The following SEC22B variants were observed in gnomAD, a reference collection of about 807,000 sequenced individuals.
The protein encoded by SEC22B is vesicle-trafficking protein SEC22b.
A neutral mutation model predicts 31.4 loss-of-function variants in SEC22B; 10 were observed. The observed-to-expected ratio is 0.32, with a 90% CI of 0.20 to 0.54. SEC22B has a LOEUF of 0.54. Ranked by LOEUF, SEC22B falls within the 20% of genes least tolerant of loss-of-function variation. The probability of loss-of-function intolerance (pLI) is 0.94; values close to 1 mark genes in which losing one functional copy is unlikely to be tolerated. For missense variants in SEC22B, 130 were observed against 263.4 expected, an observed-to-expected ratio of 0.49 and a Z score of 3.50; for synonymous variants, 60 against 95.9, an observed-to-expected ratio of 0.63 and a Z score of 2.19.
chr1:120,157,369 T>C (rs1657643577), intron 4 of SEC22B, 177 bp from the exon 5 acceptor site: 1 of 438,642 alleles, frequency 2.3e-6, no homozygotes, highest in Middle Eastern at 6.1e-4. Context: ...AGATGATGTC[T>C]GAATTTTTGA....
At position 120,163,137 on chromosome 1, in the gene SEC22B, A is replaced by G. The variant is rs1293787257; in HGVS notation, c.346+73T>C. On this transcript the variant is annotated intron_variant, in intron 3 of 4. Transcript: ENST00000578049. ...ACATCAGAAAAAATGTATAAATATT[A>G]TATCAGTGTAACAAATAGCTTCTCC... 3.1e-3 allele frequency: 1,711 copies of G among 551,342 alleles called. 3 individuals are homozygous for G. Among genetic ancestry groups the G allele is most frequent in the Non-Finnish European group, 3.9e-3 (1,254 of 320,794 alleles). The allele number at this position is 551,342 out of a possible 1,614,324, so 34.2% of individuals were successfully genotyped here.
Position 120,156,186 on chromosome 1 carries a change from C to G in SEC22B, c.*852G>C, listed in dbSNP as rs1175309150. On this transcript the variant is annotated 3_prime_UTR_variant, in exon 5 of 5. Transcript: ENST00000578049. ...AAAGTAAAGAAGGGGCAGGAGAAAG[C>G]TGTAATTATAACCTGGGCCTGCCTT... The G allele has an allele frequency of 1.3e-5, 2 of 151,860 alleles. No individual in the cohort carries two copies. The highest frequency in any genetic ancestry group is 6.6e-5 in the Admixed American group (1 of 15,248). The allele number at this position is 151,860 out of a possible 1,614,324, so 9.4% of individuals were successfully genotyped here.
rs1346781548 is a variant in SEC22B at position 120,151,399 on chromosome 1, T to C, written c.*5639A>G. 1 of 152,288 alleles carries C rather than the reference T, an allele frequency of 6.6e-6. No individual in the cohort carries two copies. The highest frequency in any genetic ancestry group is 2.4e-5 in the African/African-American group (1 of 41,442). 9.4% of individuals were successfully genotyped at this position (152,288 alleles called of 1,614,324 possible). On this transcript the variant is annotated 3_prime_UTR_variant, in exon 5 of 5. Transcript: ENST00000578049. ...TTAGCACACACACACACAAAAATTATTGGCCGGGCGCAGTGGCCCATGCCT... is the reference window on the plus strand; with the variant it reads ...TTAGCACACACACACACAAAAATTACTGGCCGGGCGCAGTGGCCCATGCCT...
intron 1 of SEC22B, among the ~76,000 whole-genome samples, chr1:120,170,067 T>C (rs1480840137): frequency 5.5e-5 from 8 of 145,986 alleles, no homozygotes; most frequent in African/African-American, 1.6e-4. Context: ...GAACCAGGAA[T>C]AGGCCCTCAA....
At chr1:120,169,109 G>A (rs1315121659) in intron 1 of SEC22B, among the ~76,000 whole-genome samples, 160 bp from the exon 2 acceptor site, 3 of 151,976 alleles carry the variant, frequency 2.0e-5, no homozygotes, top group Admixed American at 6.6e-5. Context: ...GAGTACAGAG[G>A]AAGACCTAAC....
At position 120,176,345 on chromosome 1, in the gene SEC22B, C is replaced by A. The variant is rs1553230203; in HGVS notation, c.37G>T (p.Gly13Trp). 4 of 1,612,926 alleles carry A rather than the reference C, an allele frequency of 2.5e-6. No individual in the cohort carries two copies. Among genetic ancestry groups the A allele is most frequent in the Non-Finnish European group, 3.4e-6 (4 of 1,179,742 alleles). ...TGCATCGAGGCGGCCAGCGGGAGCC[C>A]GTCCGCCACTCGGGCGATCATTGTT... ...LLTMIARVAD[G>W]LPLAASMQED... The change falls in exon 1 of 5, where the codon GGG (glycine) becomes TGG (tryptophan). Residue 13 changes from glycine to tryptophan, a missense_variant. By Grantham distance (184) the Gly-to-Trp change is radical (BLOSUM62 -2). This residue lies in a region of SEC22B where 32 missense variants were observed against 26.3 expected (regional missense o/e 1.22). Coordinates refer to ENST00000578049, the MANE Select transcript of SEC22B (RefSeq NM_004892.6).
chr1:120,166,396 TAC>T (rs1268229455), intron 2 of SEC22B, among the ~76,000 whole-genome samples: 6,967 of 136,954 alleles, frequency 0.051, 70 homozygotes, highest in African/African-American at 0.092. Flanking sequence ...AAGTGTTTTT[TAC>T]ACACACACAC....
At chr1:120,174,340 T>G (rs1482729626) in intron 1 of SEC22B, among the ~76,000 whole-genome samples, 8 of 152,400 alleles carry the variant, frequency 5.2e-5, no homozygotes, top group African/African-American at 1.9e-4. Flanking sequence ...ACTATTAAAA[T>G]AGTAAAAGTA....
rs1657618708 is a variant in SEC22B, at chr1:120,155,676, G to T, written c.*1362C>A. The T allele has an allele frequency of 6.6e-6, 1 of 151,540 alleles. No individual in the cohort carries two copies. Among genetic ancestry groups the T allele is most frequent in the African/African-American group, 2.4e-5 (1 of 41,290 alleles). The allele number at this position is 151,540 out of a possible 1,614,324, so 9.4% of individuals were successfully genotyped here. The stretch of plus-strand genomic sequence containing the variant: ...AAATAAAAAGTTCGCTCATTTTCCT[G>T]TGCAATTTAAAGAAATATTTGCAGT... On this transcript the variant is annotated 3_prime_UTR_variant, in exon 5 of 5. Coordinates refer to ENST00000578049, the MANE Select transcript of SEC22B (RefSeq NM_004892.6).
intron 2 of SEC22B, among the ~76,000 whole-genome samples, chr1:120,167,463 T>C (rs1278104142): frequency 6.6e-6 from 1 of 152,042 alleles, no homozygotes; most frequent in Non-Finnish European, 1.5e-5. Context: ...TGTTCAATTC[T>C]ACCATAATTT....
At chr1:120,161,198 T>TA (rs1478406577) in intron 3 of SEC22B, among the ~76,000 whole-genome samples, 6 of 152,172 alleles carry the variant, frequency 3.9e-5, no homozygotes, top group Admixed American at 6.5e-5. Context: ...AAGTGTTACT[T>TA]ACCTCTACAC....
chr1:120,163,945 C>CTTTTTTTTTTTT (rs1169530604), intron 2 of SEC22B, among the ~76,000 whole-genome samples: 3 of 68,916 alleles, frequency 4.4e-5, no homozygotes, highest in African/African-American at 6.5e-5. Flanking sequence ...ATTAGATTCT[C>CTTTTTTTTTTTT]TTTTTTTTTT....
At chr1:120,165,903 G>A in intron 2 of SEC22B, among the ~76,000 whole-genome samples, 1 of 149,070 alleles carries the variant, frequency 6.7e-6, no homozygotes, top group African/African-American at 2.5e-5. Flanking sequence ...ATCTGATGAG[G>A]AACTAATATC....
chr1:120,170,939 C>CTTTAATTTAATAAAATTAATTTATTAAA (rs1657886248), intron 1 of SEC22B, among the ~76,000 whole-genome samples: 3 of 125,834 alleles, frequency 2.4e-5, no homozygotes, highest in Non-Finnish European at 4.6e-5. Flanking sequence ...ATGCAAATTT[C>CTTTAATTTAATAAAATTAATTTATTAAA]TTTAATTTAA....
Position 120,163,423 on chromosome 1 carries a change from C to T in SEC22B, c.186-53G>A, listed in dbSNP as rs1657751466. 2.4e-6 allele frequency: 3 copies of T among 1,249,596 alleles called. 1 individual carries two copies. Among genetic ancestry groups the T allele is most frequent in the South Asian group, 3.8e-5 (2 of 52,092 alleles). The allele number at this position is 1,249,596 out of a possible 1,614,324, so 77.4% of individuals were successfully genotyped here. A position where few individuals can be genotyped will look rare whatever the true frequency, so the allele number is the denominator to read the frequency against. On this transcript the variant is annotated intron_variant, in intron 2 of 4. Coordinates refer to ENST00000578049, the MANE Select transcript of SEC22B (RefSeq NM_004892.6). The stretch of plus-strand genomic sequence containing the variant: ...GTTATCTGTAAAGTAATAGCACTGA[C>T]AACAGTTTAAAGCAGAATCTCTGTA...
intron 2 of SEC22B, among the ~76,000 whole-genome samples, chr1:120,166,053 T>C (rs1254821298): frequency 6.6e-6 from 1 of 151,228 alleles, no homozygotes; most frequent in Non-Finnish European, 1.5e-5. Context: ...ACATCACTAA[T>C]CTTCAGGTAA....
Position 120,160,615 on chromosome 1 carries a change from CGCGGTG to C in SEC22B, c.347-91_347-86del, listed in dbSNP as rs1570866141. On this transcript the variant is annotated intron_variant, in intron 3 of 4. Transcript: ENST00000578049. Reference sequence around the variant, plus strand: ...GATTAAAAGTTCTGAGTTGGCCAGGCGCGGTGGCTCACACCTGTAATCCCAGCACTT... The same window carrying C: ...GATTAAAAGTTCTGAGTTGGCCAGGCGCTCACACCTGTAATCCCAGCACTT... 11 of 1,240,324 alleles carry C rather than the reference CGCGGTG, an allele frequency of 8.9e-6. No homozygotes were observed. The East Asian group carries it at 3.0e-4, about 34-fold the overall frequency. 76.8% of individuals were successfully genotyped at this position (1,240,324 alleles called of 1,614,324 possible). A position where few individuals can be genotyped will look rare whatever the true frequency, so the allele number is the denominator to read the frequency against.
chr1:120,164,889 A>G (rs1657783078), intron 2 of SEC22B, among the ~76,000 whole-genome samples: 1 of 152,184 alleles, frequency 6.6e-6, no homozygotes, highest in Non-Finnish European at 1.5e-5. Flanking sequence ...TGTATAAGCA[A>G]TTCCTTTTTC....
rs1297867683 is a variant in SEC22B, at chr1:120,162,741, TTTG to T, written c.346+466_346+468del. 5.3e-5 allele frequency among the ~76,000 whole-genome samples: 8 copies of T among 152,348 alleles called. No homozygotes were observed. In the East Asian group the frequency reaches 1.3e-3, roughly 26 times the overall value. The stretch of plus-strand genomic sequence containing the variant: ...ATGAGTACCAGGTATCTTCTATTTC[TTTG>T]TTATGTTTTGTTTTTTTAATTAGAG... On this transcript the variant is annotated intron_variant, in intron 3 of 4. Transcript: ENST00000578049.
Sources: allele counts gnomAD v4.1 joint callset (sites outside exome capture counted in the v4.1 genomes callset), GRCh38; gene constraint gnomAD v4.1.1; regional missense constraint gnomAD v4.1.1; transcripts MANE v1.5; gene names NCBI Gene and HGNC (gene_info 2026-07-23, HGNC 2026-07-21).